SVBP: variants seen among roughly 807,000 people sequenced by gnomAD.
SVBP encodes the protein small vasohibin-binding protein.
In SVBP, 9 loss-of-function variants were observed where a neutral mutation model predicts 9.2. The observed-to-expected ratio is 0.98, with a 90% CI of 0.59 to 1.71. SVBP has a LOEUF of 1.71. Ranked by LOEUF, SVBP falls within the 40% of genes most tolerant of loss-of-function variation. SVBP has a pLI of 0.00. For missense variants in SVBP, 63 were observed against 73.2 expected (o/e 0.86, Z 0.51); for synonymous variants, 27 against 23.9 (o/e 1.13, Z -0.37).
chr1:42,816,555 C>T lies in SVBP; in HGVS notation c.-11G>A. The T allele has an allele frequency of 6.3e-7, 1 of 1,578,960 alleles. No homozygotes were observed. The highest frequency in any genetic ancestry group is 8.7e-7 in the Non-Finnish European group (1 of 1,148,132). On this transcript the variant is annotated 5_prime_UTR_variant, in exon 2 of 3. Transcript: ENST00000372521. ...TGCAGGTGGATCCATGGCTTGACTT[C>T]TGGATATTTCTTAGGAGGCTCTGAT...
chr1:42,808,143 GTGTGTGTATA>G (rs1654001740), intron 2 of SVBP, among the ~76,000 whole-genome samples: 1 of 44,656 alleles, frequency 2.2e-5, no homozygotes, highest in African/African-American at 1.1e-4. Flanking sequence ...TAGTGTGTGT[GTGTGTGTATA>G]TATATATATA....
intron 2 of SVBP, among the ~76,000 whole-genome samples, chr1:42,811,642 G>A (rs980273249): frequency 1.6e-4 from 25 of 152,156 alleles, no homozygotes; most frequent in African/African-American, 7.2e-5. Context: ...ACTGCGCTAT[G>A]GGCTTTACAC....
chr1:42,816,013 G>T (rs1654195816), intron 2 of SVBP, among the ~76,000 whole-genome samples: 2 of 152,294 alleles, frequency 1.3e-5, no homozygotes, highest in African/African-American at 4.8e-5. Flanking sequence ...TAATCGTTGA[G>T]AGAACAAAGG....
intron 1 of SVBP, chr1:42,816,816 A>G (rs1002495839): frequency 1.5e-5 from 6 of 397,792 alleles, no homozygotes; most frequent in African/African-American, 8.3e-5. Flanking sequence ...TGTCTGCAAA[A>G]TGGGTTAAGT....
chr1:42,815,524 A>G (rs895410432), intron 2 of SVBP, among the ~76,000 whole-genome samples: 6 of 152,168 alleles, frequency 3.9e-5, no homozygotes, highest in African/African-American at 1.4e-4. Flanking sequence ...AAAGCTTTTC[A>G]CTACAGCAAT....
chr1:42,810,295 G>A (rs1042094844), intron 2 of SVBP, among the ~76,000 whole-genome samples: 1 of 152,012 alleles, frequency 6.6e-6, no homozygotes. Context: ...CTACAGGCGT[G>A]CACCACCGTG....
At position 42,817,251 on chromosome 1, in the gene SVBP, A is replaced by C; in HGVS notation, c.-98T>G. The stretch of plus-strand genomic sequence containing the variant: ...CCGAGTCGCAGACAACGCCTCCGGG[A>C]GGGTAATCCTCGCCTTCCCCCGACC... On this transcript the variant is annotated 5_prime_UTR_variant, in exon 1 of 3. Transcript: ENST00000372521. 1 of 1,252,124 alleles carries C rather than the reference A, an allele frequency of 8.0e-7. No homozygotes were observed. 77.6% of individuals were successfully genotyped at this position (1,252,124 alleles called of 1,614,324 possible). A position where few individuals can be genotyped will look rare whatever the true frequency, so the allele number is the denominator to read the frequency against.
Position 42,817,362 on chromosome 1 carries a change from A to T in SVBP, c.-209T>A. The T allele has an allele frequency of 2.9e-6, 2 of 699,646 alleles. No homozygotes were observed. Among genetic ancestry groups the T allele is most frequent in the Non-Finnish European group, 3.7e-6 (2 of 545,726 alleles). The allele number at this position is 699,646 out of a possible 1,614,324, so 43.3% of individuals were successfully genotyped here. ...GAGGGGCGCAGGGCCGAGCGCCAGG[A>T]GGCTTCCGCCCGCAGGAGCGGCCGC... On this transcript the variant is annotated 5_prime_UTR_variant, in exon 1 of 3. Transcript: ENST00000372521.
At chr1:42,810,164 T>C (rs1654053412) in intron 2 of SVBP, among the ~76,000 whole-genome samples, 2 of 152,030 alleles carry the variant, frequency 1.3e-5, no homozygotes, top group African/African-American at 2.4e-5. Context: ...ATATATTTTT[T>C]TTGTGAGCAG....
Position 42,807,169 on chromosome 1 carries a change from T to A in SVBP, c.*245A>T, listed in dbSNP as rs200973322. 824 of 268,574 alleles carry A rather than the reference T, an allele frequency of 3.1e-3. 3 individuals carry two copies. The highest frequency in any genetic ancestry group is 0.013 in the East Asian group (215 of 16,696). 16.6% of individuals were successfully genotyped at this position (268,574 alleles called of 1,614,324 possible). ...TTTGTGTGTGTTTTTTTTTTTTTTTTAAAAAAACCCAAAAAACAAAACCAC... is the reference window on the plus strand; with the variant it reads ...TTTGTGTGTGTTTTTTTTTTTTTTTAAAAAAAACCCAAAAAACAAAACCAC... On this transcript the variant is annotated 3_prime_UTR_variant, in exon 3 of 3. Coordinates refer to ENST00000372521, the MANE Select transcript of SVBP (RefSeq NM_199342.4).
chr1:42,808,134 AGTGTGTGT>A (rs149608245), intron 2 of SVBP, among the ~76,000 whole-genome samples: 5,251 of 106,778 alleles, frequency 0.049, 401 homozygotes, highest in East Asian at 0.15. Context: ...ATGTGAATAT[AGTGTGTGT>A]GTGTGTGTAT....
chr1:42,807,588 T>C, intron 2 of SVBP, 88 bp from the exon 3 acceptor site: 1 of 990,028 alleles, frequency 1.0e-6, no homozygotes, highest in Non-Finnish European at 1.6e-6. Context: ...CTTCTGAAAA[T>C]ACCAGAATTT....
At chr1:42,807,620 G>C in intron 2 of SVBP, 120 bp from the exon 3 acceptor site, 1 of 728,434 alleles carries the variant, frequency 1.4e-6, no homozygotes, top group South Asian at 1.6e-5. Context: ...GTAATGCAGG[G>C]ACAGTGCTCT....
intron 2 of SVBP, chr1:42,813,776 C>A: frequency 1.9e-6 from 1 of 514,232 alleles, no homozygotes. Context: ...TTCTGTTCTC[C>A]TGCTTCAGGG....
rs979998795 is a variant in SVBP at position 42,807,230 on chromosome 1, C to T, written c.*184G>A. On this transcript the variant is annotated 3_prime_UTR_variant, in exon 3 of 3. Coordinates refer to ENST00000372521, the MANE Select transcript of SVBP (RefSeq NM_199342.4). ...GAAGAAAACAAGTCTCTTCAGCAAG[C>T]ATGTGGCCAATTCAGATGGGAGGAA... The T allele has an allele frequency of 1.7e-4, 69 of 406,504 alleles. No individual in the cohort carries two copies. The highest frequency in any genetic ancestry group is 1.3e-3 in the African/African-American group (62 of 48,568). The allele number at this position is 406,504 out of a possible 1,614,324, so 25.2% of individuals were successfully genotyped here.
intron 2 of SVBP, among the ~76,000 whole-genome samples, chr1:42,811,578 A>C (rs1343314612): frequency 6.6e-6 from 1 of 152,198 alleles, no homozygotes. Flanking sequence ...TGGAAACACA[A>C]GATTATTCCT....
chr1:42,817,200 C>G lies in SVBP; in HGVS notation c.-47G>C, dbSNP rs1231740004. 1 of 1,255,174 alleles carries G rather than the reference C, an allele frequency of 8.0e-7. No individual in the cohort carries two copies. The highest frequency in any genetic ancestry group is 1.3e-5 in the South Asian group (1 of 77,198). The allele number at this position is 1,255,174 out of a possible 1,614,324, so 77.8% of individuals were successfully genotyped here. A position where few individuals can be genotyped will look rare whatever the true frequency, so the allele number is the denominator to read the frequency against. On this transcript the variant is annotated 5_prime_UTR_variant, in exon 1 of 3. Transcript: ENST00000372521. ...CTTGGGAGTCTGTACCTTTCCCGAC[C>G]GGGCCACTGGAAGTTGGAGCCTCCG... is the stretch of plus-strand genomic sequence containing the variant.
At chr1:42,817,077 C>G (rs947563037) in intron 1 of SVBP, 113 bp downstream of exon 1, 2 of 565,364 alleles carry the variant, frequency 3.5e-6, no homozygotes, top group African/African-American at 4.1e-5. Flanking sequence ...CCCCCGACCC[C>G]GCCCCGGCCC....
intron 2 of SVBP, among the ~76,000 whole-genome samples, chr1:42,808,685 C>T (rs982173579): frequency 2.7e-5 from 4 of 149,776 alleles, no homozygotes; most frequent in African/African-American, 4.9e-5. Context: ...ATGTATATAT[C>T]GCATATATAT....
Sources: allele counts gnomAD v4.1 joint callset (sites outside exome capture counted in the v4.1 genomes callset), GRCh38; gene constraint gnomAD v4.1.1; transcripts MANE v1.5; gene names NCBI Gene and HGNC (gene_info 2026-07-23, HGNC 2026-07-21).